The following SOX5 variants were observed in gnomAD, a reference collection of about 807,000 sequenced individuals.
SOX5 encodes SRY-box transcription factor 5.
In SOX5, 9 loss-of-function variants were observed where a neutral mutation model predicts 92.0. The observed-to-expected ratio is 0.10, with a 90% CI of 0.06 to 0.17. The LOEUF (loss-of-function observed/expected upper bound fraction) is 0.17. Among genes scored for constraint, SOX5 ranks in the 10% least tolerant of loss-of-function variants. The pLI is 1.00. For missense variants in SOX5, 642 were observed against 944.5 expected (o/e 0.68, Z 4.20); for synonymous variants, 344 against 336.3 (o/e 1.02, Z -0.25).
chr12:23,740,289 T>G (rs905615237), intron 5 of SOX5, among the ~76,000 whole-genome samples: 1 of 152,248 alleles, frequency 6.6e-6, no homozygotes, highest in African/African-American at 2.4e-5. Context: ...TCCCTATTAC[T>G]AGGCTCAACT....
intron 4 of SOX5, among the ~76,000 whole-genome samples, chr12:24,068,680 ATGTGTG>A (rs367765179): frequency 0.054 from 3,425 of 63,156 alleles, 137 homozygotes; most frequent in Middle Eastern, 0.12. Context: ...TCAAAGTCGT[ATGTGTG>A]TGTGTGTGTG....
intron 1 of SOX5, among the ~76,000 whole-genome samples, chr12:24,409,655 A>C (rs1235786804): frequency 6.6e-6 from 1 of 152,040 alleles, no homozygotes; most frequent in African/African-American, 2.4e-5. Context: ...ATCCCCACCA[A>C]CAATGTCTGA....
intron 4 of SOX5, among the ~76,000 whole-genome samples, chr12:24,201,920 T>C (rs1957556657): frequency 6.6e-6 from 1 of 152,228 alleles, no homozygotes; most frequent in Admixed American, 6.5e-5. Flanking sequence ...AACATTTGTA[T>C]AGCTGGAGTT....
chr12:24,121,567 CTTTTTTTT>C (rs11286069), intron 4 of SOX5, among the ~76,000 whole-genome samples: 1 of 106,020 alleles, frequency 9.4e-6, no homozygotes, highest in East Asian at 2.9e-4. Flanking sequence ...AAATGGCTAA[CTTTTTTTT>C]TTTTTTTTTT....
In SOX5 at chr12:23,962,399, G is replaced by A. The variant is rs150970633; in HGVS notation, c.-1-66375C>T. Reference sequence around the variant, plus strand: ...CAAACACACAGACGCAGGTACGCACGCAAGCAAATGTTTCATTCCTTTCAA... The same window carrying A: ...CAAACACACAGACGCAGGTACGCACACAAGCAAATGTTTCATTCCTTTCAA... On this transcript the variant is annotated intron_variant, in intron 4 of 4. Coordinates refer to the SOX5 transcript ENST00000446891. 3.6e-4 allele frequency among the ~76,000 whole-genome samples: 55 copies of A among 152,084 alleles called. 2 individuals carry two copies. Among genetic ancestry groups the A allele is most frequent in the African/African-American group, 1.2e-3 (49 of 41,470 alleles).
chr12:23,969,107 C>T (rs1947931405), intron 4 of SOX5, among the ~76,000 whole-genome samples: 1 of 152,088 alleles, frequency 6.6e-6, no homozygotes, highest in African/African-American at 2.4e-5. Flanking sequence ...GGCCAAAAAC[C>T]TACAAGTCAT....
chr12:24,294,690 C>G (rs968074466), intron 2 of SOX5, among the ~76,000 whole-genome samples: 2 of 152,206 alleles, frequency 1.3e-5, no homozygotes, highest in Non-Finnish European at 1.5e-5. Context: ...CAACCTTCAT[C>G]TCTGGATGGA....
chr12:24,192,768 C>T (rs1191972803), intron 4 of SOX5, among the ~76,000 whole-genome samples: 2 of 152,254 alleles, frequency 1.3e-5, no homozygotes, highest in East Asian at 3.9e-4. Flanking sequence ...GTATAGATTC[C>T]TATGATCCCC....
intron 3 of SOX5, among the ~76,000 whole-genome samples, chr12:23,778,803 G>A (rs2095189701): frequency 6.6e-6 from 1 of 152,150 alleles, no homozygotes; most frequent in African/African-American, 2.4e-5. Context: ...TTCTTCATAA[G>A]AGAGTGGTGA....
intron 2 of SOX5, among the ~76,000 whole-genome samples, chr12:23,873,502 G>A (rs1461876571): frequency 6.6e-6 from 1 of 152,060 alleles, no homozygotes; most frequent in Admixed American, 6.5e-5. Context: ...TAACTACAGT[G>A]CCATTGCTGA....
intron 1 of SOX5, among the ~76,000 whole-genome samples, chr12:23,936,666 T>C (rs149769817): frequency 1.3e-5 from 2 of 150,988 alleles, no homozygotes; most frequent in East Asian, 3.9e-4. Flanking sequence ...CACCATCCAA[T>C]AGAAATATGA....
chr12:24,265,890 A>G (rs1051016868), intron 3 of SOX5, among the ~76,000 whole-genome samples: 1 of 152,168 alleles, frequency 6.6e-6, no homozygotes, highest in East Asian at 1.9e-4. Context: ...GACCACCACA[A>G]TTTATCTAAC....
chr12:24,506,935 C>A (rs1328109056), intron 1 of SOX5, among the ~76,000 whole-genome samples: 2 of 150,994 alleles, frequency 1.3e-5, no homozygotes, highest in Non-Finnish European at 3.0e-5. Context: ...GGACTACAGG[C>A]GCCCGCCACT....
intron 1 of SOX5, among the ~76,000 whole-genome samples, chr12:24,445,458 AC>A (rs202143615): frequency 0.013 from 2,043 of 152,310 alleles, 47 homozygotes; most frequent in African/African-American, 0.046. Flanking sequence ...GGATTATTAG[AC>A]AGATGACTTT....
intron 2 of SOX5, among the ~76,000 whole-genome samples, chr12:24,293,586 T>TAA (rs148172995): frequency 6.6e-6 from 1 of 150,752 alleles, no homozygotes; most frequent in African/African-American, 2.4e-5. Flanking sequence ...ATGCAGTTTA[T>TAA]AAAAAAAAAG....
At chr12:23,637,703 G>C (rs2079452921) in intron 8 of SOX5, among the ~76,000 whole-genome samples, 1 of 152,148 alleles carries the variant, frequency 6.6e-6, no homozygotes, top group Admixed American at 6.5e-5. Flanking sequence ...CTTGAATGTT[G>C]TTCCTCAACT....
At chr12:23,666,238 T>C (rs2083781352) in intron 6 of SOX5, among the ~76,000 whole-genome samples, 1 of 152,114 alleles carries the variant, frequency 6.6e-6, no homozygotes, top group African/African-American at 2.4e-5. Context: ...TGTACAACAT[T>C]TTTGCCTGCA....
At chr12:23,750,377 TGAG>T (rs779511837) in intron 4 of SOX5, among the ~76,000 whole-genome samples, 132 of 151,978 alleles carry the variant, frequency 8.7e-4, no homozygotes, top group Non-Finnish European at 1.7e-3. Flanking sequence ...AATGAGTAGA[TGAG>T]GAAATAAACC....
intron 4 of SOX5, among the ~76,000 whole-genome samples, chr12:23,978,194 A>G (rs1949135206): frequency 6.6e-6 from 1 of 152,226 alleles, no homozygotes; most frequent in East Asian, 1.9e-4. Flanking sequence ...CCAAGAACAG[A>G]TTGACTCAGG....
Sources: gnomAD v4.1 joint callset for allele counts (sites outside exome capture counted in the v4.1 genomes callset) on GRCh38, gnomAD v4.1.1 for gene constraint, MANE v1.5 for transcripts, NCBI Gene and HGNC (gene_info 2026-07-23, HGNC 2026-07-21) for gene names.